Variants in NCAM2 observed in about 807,000 individuals in gnomAD.
The protein encoded by NCAM2 is N-CAM-2.
In NCAM2, 30 loss-of-function variants were observed where a neutral mutation model predicts 98.1. The observed-to-expected ratio is 0.31, with a 90% CI of 0.23 to 0.41. The LOEUF is 0.41. Among genes scored for constraint, NCAM2 ranks in the 10% least tolerant of loss-of-function variants. NCAM2 has a pLI of 1.00. For synonymous variants in NCAM2, 368 were observed against 342.4 expected, an observed-to-expected ratio of 1.07 and a Z score of -0.83; for missense variants, 867 against 1,005.8, an observed-to-expected ratio of 0.86 and a Z score of 1.87.
chr21:21,086,707 T>G (rs1376089265), intron 1 of NCAM2, among the ~76,000 whole-genome samples: 2 of 152,196 alleles, frequency 1.3e-5, no homozygotes, highest in Non-Finnish European at 2.9e-5. Context: ...TTTGGGGTAC[T>G]GAAATGTGCG....
chr21:21,404,494 C>G (rs1238336302), intron 9 of NCAM2, among the ~76,000 whole-genome samples: 19 of 152,104 alleles, frequency 1.2e-4, no homozygotes, highest in Non-Finnish European at 2.2e-4. Context: ...TCCCCTTCTG[C>G]CACGACTGTG....
At chr21:21,354,967 C>G (rs768463233) in intron 8 of NCAM2, among the ~76,000 whole-genome samples, 49 of 152,098 alleles carry the variant, frequency 3.2e-4, no homozygotes, top group Non-Finnish European at 6.3e-4. Context: ...GCCTAGATCA[C>G]CTGCATAATT....
intron 1 of NCAM2, among the ~76,000 whole-genome samples, chr21:21,237,125 C>G (rs2147216169): frequency 6.6e-6 from 1 of 152,226 alleles, no homozygotes; most frequent in Non-Finnish European, 1.5e-5. Flanking sequence ...ACATGGTTGG[C>G]ATTTTCATGA....
chr21:21,425,564 T>G (rs1484478300), intron 11 of NCAM2, among the ~76,000 whole-genome samples: 1 of 152,000 alleles, frequency 6.6e-6, no homozygotes, highest in East Asian at 1.9e-4. Context: ...AACACTGCTA[T>G]GGAGAATATT....
chr21:21,210,484 C>A, intron 1 of NCAM2: 5 of 1,239,968 alleles, frequency 4.0e-6, no homozygotes, highest in Non-Finnish European at 5.2e-6. Flanking sequence ...TCATGAAGTA[C>A]AAGTAATTAA....
At chr21:21,227,988 G>T (rs2070457650) in intron 1 of NCAM2, among the ~76,000 whole-genome samples, 1 of 151,648 alleles carries the variant, frequency 6.6e-6, no homozygotes, top group South Asian at 2.1e-4. Context: ...TGTGAGATGA[G>T]AAAAATGATA....
intron 8 of NCAM2, among the ~76,000 whole-genome samples, chr21:21,363,610 T>A (rs886298696): frequency 1.3e-5 from 2 of 152,152 alleles, no homozygotes; most frequent in Admixed American, 6.6e-5. Context: ...AGTGTTTTAT[T>A]AATCATCTGG....
intron 15 of NCAM2, among the ~76,000 whole-genome samples, chr21:21,494,148 T>C (rs1375714006): frequency 6.6e-6 from 1 of 151,946 alleles, no homozygotes; most frequent in Non-Finnish European, 1.5e-5. Context: ...TCATTTATTC[T>C]GTTACATGTT....
chr21:21,477,671 G>C (rs1264794042), intron 15 of NCAM2, among the ~76,000 whole-genome samples, 200 bp downstream of exon 15: 2 of 151,984 alleles, frequency 1.3e-5, no homozygotes, highest in African/African-American at 4.8e-5. Flanking sequence ...AATATATTTT[G>C]ACCCCATTAA....
At position 21,190,932 on chromosome 21, in the gene NCAM2, A is replaced by G. The variant is rs562977357; in HGVS notation, c.56-89646A>G. On this transcript the variant is annotated intron_variant, in intron 1 of 17. Transcript: ENST00000400546. ...ATTGTTGCTAATATTGTTATAAATT[A>G]CAGTTAGTTGGATATCTTGTTACTG... is the stretch of plus-strand genomic sequence containing the variant. 1.9e-4 allele frequency among the ~76,000 whole-genome samples: 29 copies of G among 152,308 alleles called. No individual in the cohort carries two copies. In the South Asian group the frequency reaches 6.0e-3, roughly 32 times the overall value.
Position 21,394,455 on chromosome 21 carries a change from A to AT in NCAM2, c.1196-15816dup, listed in dbSNP as rs1164538890. On this transcript the variant is annotated intron_variant, in intron 9 of 17. Coordinates refer to ENST00000400546, the MANE Select transcript of NCAM2 (RefSeq NM_004540.5). ...TAAATGTGCAGTTAGACCTTAGTTA[A>AT]TTTAAGGGGCCAGCTTTTTTTTTTT... Among the ~76,000 whole-genome samples the AT allele has an allele frequency of 2.1e-4, 26 of 121,250 alleles. No homozygotes were observed. In the East Asian group the frequency reaches 5.8e-3, roughly 27 times the overall value. The allele number at this position is 121,250 out of a possible 152,430, so 79.5% of individuals were successfully genotyped here.
In NCAM2 at chr21:21,466,717, T is replaced by C. The variant is rs1271396116; in HGVS notation, c.1766T>C (p.Leu589Ser). The C allele has an allele frequency of 6.2e-7, 1 of 1,603,320 alleles. No individual in the cohort carries two copies. The highest frequency in any genetic ancestry group is 1.3e-5 in the African/African-American group (1 of 74,260). The part of the protein sequence containing the change: ...DYSKIEIFQT[L>S]PVREPSPPSI... Reference sequence around the variant, plus strand: ...AGTAAAATAGAAATCTTCCAAACATTACCAGTTCGTAAGTAATCATCTCTA... The same window carrying C: ...AGTAAAATAGAAATCTTCCAAACATCACCAGTTCGTAAGTAATCATCTCTA... Residue 589 changes from leucine to serine, a missense_variant, in exon 13 of 18, where the codon TTA becomes TCA. This residue lies in a region of NCAM2 where 234 missense variants were observed against 333.8 expected (regional missense o/e 0.70). Transcript: ENST00000400546.
intron 1 of NCAM2, among the ~76,000 whole-genome samples, chr21:21,218,149 A>G (rs1438664106): frequency 6.6e-6 from 1 of 152,174 alleles, no homozygotes; most frequent in Non-Finnish European, 1.5e-5. Flanking sequence ...AATAGAGAAC[A>G]CTTTGCATAA....
chr21:21,018,667 G>A (rs193127350), intron 1 of NCAM2, among the ~76,000 whole-genome samples: 408 of 152,274 alleles, frequency 2.7e-3, no homozygotes, highest in Non-Finnish European at 3.2e-3. Context: ...TTTCATTTGT[G>A]TAAAGAGCTT....
chr21:21,321,700 G>A (rs2074379474), intron 5 of NCAM2, among the ~76,000 whole-genome samples: 1 of 152,072 alleles, frequency 6.6e-6, no homozygotes, highest in Admixed American at 6.6e-5. Context: ...CTTTGTCAAA[G>A]TTCAGATGGA....
At chr21:21,281,534 T>C (rs1158473691) in intron 2 of NCAM2, among the ~76,000 whole-genome samples, 1 of 152,168 alleles carries the variant, frequency 6.6e-6, no homozygotes, top group Non-Finnish European at 1.5e-5. Flanking sequence ...AATATACATA[T>C]GGTTTTCTTT....
intron 15 of NCAM2, among the ~76,000 whole-genome samples, chr21:21,483,779 T>A (rs1319808823): frequency 6.6e-6 from 1 of 152,094 alleles, no homozygotes; most frequent in Non-Finnish European, 1.5e-5. Flanking sequence ...CTAAAAAATA[T>A]TTTCATAATC....
chr21:21,072,500 A>C (rs1568992184), intron 1 of NCAM2, among the ~76,000 whole-genome samples: 1 of 152,222 alleles, frequency 6.6e-6, no homozygotes. Flanking sequence ...AAAAATGTTC[A>C]GTGGCATTGT....
rs1437940794 is a variant in NCAM2 at position 21,542,835 on chromosome 21, T to C, written c.*4878T>C. The C allele has an allele frequency of 6.6e-6, 1 of 151,852 alleles. No individual in the cohort carries two copies. The highest frequency in any genetic ancestry group is 1.9e-4 in the East Asian group (1 of 5,184). 9.4% of individuals were successfully genotyped at this position (151,852 alleles called of 1,614,324 possible). A position where few individuals can be genotyped will look rare whatever the true frequency, so the allele number is the denominator to read the frequency against. Reference sequence around the variant, plus strand: ...ACACAGAGGAGAAAGTTAACAGAGATAGAATCTATGATTTAATTTTGCAAA... The same window carrying C: ...ACACAGAGGAGAAAGTTAACAGAGACAGAATCTATGATTTAATTTTGCAAA... On this transcript the variant is annotated 3_prime_UTR_variant, in exon 18 of 18. Coordinates refer to ENST00000400546, the MANE Select transcript of NCAM2 (RefSeq NM_004540.5).
Sources: gnomAD v4.1 joint callset for allele counts (sites outside exome capture counted in the v4.1 genomes callset) on GRCh38, gnomAD v4.1.1 for gene constraint, gnomAD v4.1.1 regional missense constraint, MANE v1.5 for transcripts, NCBI Gene and HGNC (gene_info 2026-07-23, HGNC 2026-07-21) for gene names.